The following NOS1AP variants were observed in gnomAD, a reference collection of about 807,000 sequenced individuals.
NOS1AP encodes carboxyl-terminal PDZ ligand of neuronal nitric oxide synthase protein.
NOS1AP carries 21 observed loss-of-function variants against 56.2 expected under a neutral mutation model. The ratio of observed to expected loss-of-function variants is 0.37; its 90% CI spans 0.26 to 0.54. The LOEUF (loss-of-function observed/expected upper bound fraction) is 0.54, where lower values mean the gene tolerates loss of function less well. Ranked by LOEUF, NOS1AP falls within the 20% of genes least tolerant of loss-of-function variation. The probability of loss-of-function intolerance (pLI) is 0.84; values close to 1 mark genes in which losing one functional copy is unlikely to be tolerated. For missense variants in NOS1AP, 522 were observed against 657.8 expected, an observed-to-expected ratio of 0.79 and a Z score of 2.26; for synonymous variants, 270 against 274.6, an observed-to-expected ratio of 0.98 and a Z score of 0.17.
chr1:162,311,101 G>A (rs1332342694), intron 4 of NOS1AP, among the ~76,000 whole-genome samples: 1 of 151,900 alleles, frequency 6.6e-6, no homozygotes, highest in Non-Finnish European at 1.5e-5. Context: ...GTATGTCTTT[G>A]TCAGGGCCAC....
intron 4 of NOS1AP, among the ~76,000 whole-genome samples, chr1:162,328,684 C>T (rs995233581): frequency 6.6e-6 from 1 of 152,222 alleles, no homozygotes; most frequent in African/African-American, 2.4e-5. Context: ...AAAGCTTGGG[C>T]TGAAATCCAG....
chr1:162,225,948 T>C (rs4657175), intron 2 of NOS1AP, among the ~76,000 whole-genome samples: 1 of 152,096 alleles, frequency 6.6e-6, no homozygotes, highest in Non-Finnish European at 1.5e-5. Flanking sequence ...CAAGGAATGT[T>C]ATAGAGAAAC....
chr1:162,234,716 A>C (rs1055253405), intron 2 of NOS1AP, among the ~76,000 whole-genome samples: 1 of 151,834 alleles, frequency 6.6e-6, no homozygotes, highest in African/African-American at 2.4e-5. Flanking sequence ...TGCTGCCATA[A>C]CTCCTGAGTC....
At chr1:162,253,120 A>G (rs1268568120) in intron 2 of NOS1AP, among the ~76,000 whole-genome samples, 1 of 152,190 alleles carries the variant, frequency 6.6e-6, no homozygotes, top group Non-Finnish European at 1.5e-5. Context: ...GCCCTCTTAA[A>G]TGGATTAATG....
chr1:162,253,309 CT>C (rs1461559233), intron 2 of NOS1AP, among the ~76,000 whole-genome samples: 13 of 152,188 alleles, frequency 8.5e-5, no homozygotes, highest in Non-Finnish European at 1.5e-4. Flanking sequence ...TGAGAAATTT[CT>C]GTTCATTATA....
At chr1:162,314,239 A>G (rs1656155267) in intron 4 of NOS1AP, among the ~76,000 whole-genome samples, 1 of 152,268 alleles carries the variant, frequency 6.6e-6, no homozygotes, top group Non-Finnish European at 1.5e-5. Flanking sequence ...GCACAGCAGG[A>G]AACTGAAAAT....
intron 2 of NOS1AP, 130 bp from the exon 3 acceptor site, chr1:162,287,214 T>A: frequency 1.5e-6 from 1 of 684,316 alleles, no homozygotes; most frequent in Non-Finnish European, 2.6e-6. Flanking sequence ...CCCGAGGTGC[T>A]CCCTGCCCCC....
intron 2 of NOS1AP, among the ~76,000 whole-genome samples, chr1:162,233,561 T>G (rs1386744071): frequency 6.6e-6 from 1 of 152,198 alleles, no homozygotes. Context: ...TTAAGAATGT[T>G]TTCATTATCC....
At chr1:162,142,155 C>T (rs925611687) in intron 1 of NOS1AP, among the ~76,000 whole-genome samples, 1 of 152,162 alleles carries the variant, frequency 6.6e-6, no homozygotes, top group African/African-American at 2.4e-5. Flanking sequence ...CCAGGTATAA[C>T]AGGGAGAACT....
intron 2 of NOS1AP, among the ~76,000 whole-genome samples, chr1:162,258,445 T>C (rs1654105111): frequency 6.6e-6 from 1 of 152,122 alleles, no homozygotes; most frequent in South Asian, 2.1e-4. Context: ...GTGCATCTTA[T>C]CTGGAATCTT....
At chr1:162,306,943 A>G (rs538353077) in intron 4 of NOS1AP, among the ~76,000 whole-genome samples, 2 of 147,192 alleles carry the variant, frequency 1.4e-5, no homozygotes, top group Admixed American at 6.9e-5. Flanking sequence ...AGCCTGGGCA[A>G]CAGAGTGAGA....
At chr1:162,100,946 T>A (rs1159399943) in intron 1 of NOS1AP, among the ~76,000 whole-genome samples, 1 of 152,222 alleles carries the variant, frequency 6.6e-6, no homozygotes, top group Admixed American at 6.5e-5. Context: ...TTTAATTAGA[T>A]CCCATTTGTC....
intron 1 of NOS1AP, among the ~76,000 whole-genome samples, chr1:162,081,774 A>ATATATTTTT: frequency 2.3e-5 from 1 of 44,058 alleles, no homozygotes; most frequent in African/African-American, 7.7e-5. Context: ...ATATATATAT[A>ATATATTTTT]TTTTTTTTTT....
Position 162,261,511 on chromosome 1 carries a change from A to AGGAGAAGAGAG in NOS1AP, c.178-25832_178-25831insGAGAAGAGAGG, listed in dbSNP as rs1553200084. Among the ~76,000 whole-genome samples, 59 of 21,310 alleles carry AGGAGAAGAGAG rather than the reference A, an allele frequency of 2.8e-3. 18 individuals carry two copies. Among genetic ancestry groups the AGGAGAAGAGAG allele is most frequent in the Non-Finnish European group, 5.9e-3 (40 of 6,772 alleles). The allele number at this position is 21,310 out of a possible 152,430, so 14.0% of individuals were successfully genotyped here. A position where few individuals can be genotyped will look rare whatever the true frequency, so the allele number is the denominator to read the frequency against. On this transcript the variant is annotated intron_variant, in intron 2 of 9. Transcript: ENST00000361897. ...GAGAGAGAGAGAGAGAGAGAGAGAG[A>AGGAGAAGAGAG]GAGAGAGAGAGAGAGAGAGAGAGAG...
intron 2 of NOS1AP, among the ~76,000 whole-genome samples, chr1:162,157,799 C>T (rs1650035440): frequency 6.6e-6 from 1 of 152,152 alleles, no homozygotes; most frequent in African/African-American, 2.4e-5. Flanking sequence ...TGAGCTGGGG[C>T]TCTAGCTGGT....
At chr1:162,360,359 A>G (rs1274833456) in intron 8 of NOS1AP, among the ~76,000 whole-genome samples, 1 of 152,134 alleles carries the variant, frequency 6.6e-6, no homozygotes, top group African/African-American at 2.4e-5. Flanking sequence ...AAGGGTGTGA[A>G]TGAGAGTATA....
At chr1:162,133,333 A>G (rs1648835317) in intron 1 of NOS1AP, among the ~76,000 whole-genome samples, 1 of 152,146 alleles carries the variant, frequency 6.6e-6, no homozygotes, top group Admixed American at 6.5e-5. Context: ...TTTATCCTTT[A>G]TCTGTCTTAT....
At chr1:162,115,564 G>T (rs1647911839) in intron 1 of NOS1AP, among the ~76,000 whole-genome samples, 1 of 152,160 alleles carries the variant, frequency 6.6e-6, no homozygotes, top group Non-Finnish European at 1.5e-5. Flanking sequence ...TTGCAGACCA[G>T]CAGCAGGTAT....
chr1:162,130,160 C>T (rs1648686023), intron 1 of NOS1AP, among the ~76,000 whole-genome samples: 2 of 152,160 alleles, frequency 1.3e-5, no homozygotes, highest in Non-Finnish European at 2.9e-5. Context: ...GGTGGAGTTA[C>T]GGCTATTTCT....
Sources: gnomAD v4.1 joint callset for allele counts (sites outside exome capture counted in the v4.1 genomes callset) on GRCh38, gnomAD v4.1.1 for gene constraint, MANE v1.5 for transcripts, NCBI Gene and HGNC (gene_info 2026-07-23, HGNC 2026-07-21) for gene names.